The following DLEU7 variants were observed in gnomAD, a reference collection of about 807,000 sequenced individuals.
DLEU7 encodes leukemia-associated protein 7.
A neutral mutation model predicts 16.0 loss-of-function variants in DLEU7; 17 were observed. The ratio of observed to expected loss-of-function variants is 1.06; its 90% CI spans 0.73 to 1.59. DLEU7 has a LOEUF of 1.59. DLEU7 is among the 40% of genes most tolerant of loss of function. The pLI is 0.00. For missense variants in DLEU7, 308 were observed against 314.9 expected (o/e 0.98, Z 0.17); for synonymous variants, 113 against 139.8 (o/e 0.81, Z 1.35).
intron 1 of DLEU7, among the ~76,000 whole-genome samples, chr13:50,768,657 G>C (rs528716432): frequency 3.3e-5 from 5 of 152,168 alleles, no homozygotes; most frequent in Admixed American, 1.3e-4. Flanking sequence ...GTATATATGT[G>C]CTACATTTTC....
At chr13:50,723,854 TAC>T (rs531733959) in intron 1 of DLEU7, among the ~76,000 whole-genome samples, 1 of 151,600 alleles carries the variant, frequency 6.6e-6, no homozygotes, top group African/African-American at 2.4e-5. Flanking sequence ...TATATATATG[TAC>T]ACACACACAT....
chr13:50,833,580 A>T (rs1007016294), intron 1 of DLEU7, among the ~76,000 whole-genome samples: 1 of 152,234 alleles, frequency 6.6e-6, no homozygotes, highest in Admixed American at 6.5e-5. Flanking sequence ...GCTCATGGAT[A>T]GGAAGAATGA....
intron 1 of DLEU7, among the ~76,000 whole-genome samples, chr13:50,778,584 T>G (rs1875567143): frequency 6.6e-6 from 1 of 152,238 alleles, no homozygotes; most frequent in Admixed American, 6.5e-5. Context: ...CTGTTGTCTT[T>G]TTGTGAAGAA....
At chr13:50,739,859 G>C (rs908235487) in intron 1 of DLEU7, among the ~76,000 whole-genome samples, 1 of 152,182 alleles carries the variant, frequency 6.6e-6, no homozygotes, top group Non-Finnish European at 1.5e-5. Context: ...GATACATAAT[G>C]ACACTAGACT....
At chr13:50,806,836 G>A (rs1215696926) in intron 1 of DLEU7, among the ~76,000 whole-genome samples, 6 of 151,750 alleles carry the variant, frequency 4.0e-5, no homozygotes, top group South Asian at 2.1e-4. Context: ...CCAGCTACTC[G>A]GGAGGCTGAG....
downstream of DLEU7, chr13:50,818,729 AG>A (rs375392379): frequency 2.0e-5 from 3 of 152,348 alleles, no homozygotes; most frequent in African/African-American, 7.2e-5. Flanking sequence ...CTCCCTCTGA[AG>A]GCGCTAGAGA....
intron 1 of DLEU7, among the ~76,000 whole-genome samples, chr13:50,769,689 C>T (rs903225440): frequency 2.0e-5 from 3 of 151,956 alleles, no homozygotes; most frequent in Non-Finnish European, 4.4e-5. Flanking sequence ...GGTTACTGTA[C>T]ACTTGTAGTA....
chr13:50,732,299 G>A (rs1873932709), intron 1 of DLEU7, among the ~76,000 whole-genome samples: 2 of 151,998 alleles, frequency 1.3e-5, no homozygotes, highest in Admixed American at 1.3e-4. Context: ...CTCACTTACT[G>A]TATTGCTTTT....
exon 2 of DLEU7, chr13:50,712,809 G>A (rs892195440): frequency 2.1e-4 from 39 of 187,562 alleles, no homozygotes; most frequent in African/African-American, 8.9e-4. Context: ...ACTGGCTTAG[G>A]AGAATGTTGG....
intron 1 of DLEU7, among the ~76,000 whole-genome samples, chr13:50,733,597 T>C (rs747331196): frequency 5.3e-5 from 8 of 151,860 alleles, no homozygotes; most frequent in Non-Finnish European, 5.9e-5. Flanking sequence ...CTCAACTCTG[T>C]CCCCTACCTG....
intron 1 of DLEU7, among the ~76,000 whole-genome samples, chr13:50,813,640 C>T (rs1876636784): frequency 6.6e-6 from 1 of 152,020 alleles, no homozygotes; most frequent in African/African-American, 2.4e-5. Flanking sequence ...TTCCGTATTT[C>T]ATGGCTAGAA....
intron 1 of DLEU7, among the ~76,000 whole-genome samples, chr13:50,794,484 G>C (rs1229092216): frequency 6.6e-6 from 1 of 152,096 alleles, no homozygotes; most frequent in African/African-American, 2.4e-5. Context: ...ATAAAATTCA[G>C]GGCTTCTGAC....
At chr13:50,753,214 C>G (rs1874634437) in intron 1 of DLEU7, among the ~76,000 whole-genome samples, 1 of 152,238 alleles carries the variant, frequency 6.6e-6, no homozygotes, top group Admixed American at 6.5e-5. Flanking sequence ...TCTCCACATC[C>G]CCACCAGACT....
rs750674028 is a variant in DLEU7 at position 50,843,228 on chromosome 13, C to A, written c.419G>T (p.Gly140Val). Residue 140 changes from glycine to valine, a missense_variant, in exon 1 of 2, where the codon GGG (glycine) becomes GTG (valine). By Grantham distance (109) the Gly-to-Val change is moderately radical. Transcript: ENST00000504404. This position sits in a 1 kb window ranked among gnomAD's most constrained non-coding sequence, Gnocchi z 5.7. ...ELVSVEQTLL[G>V]PLQQERSFPI... ...AAAGGACCGCTCCTGCTGGAGGGGC[C>A]CCAGCAGCGTCTGCTCCACGCTGAC... The A allele has an allele frequency of 2.5e-6, 4 of 1,593,144 alleles. No individual in the cohort carries two copies. The South Asian group carries it at 4.5e-5, about 18-fold the overall frequency.
intron 1 of DLEU7, among the ~76,000 whole-genome samples, chr13:50,764,974 CTG>C (rs1875058080): frequency 6.6e-6 from 1 of 152,144 alleles, no homozygotes; most frequent in Non-Finnish European, 1.5e-5. Flanking sequence ...CTTCTGCATC[CTG>C]TGTTCAAGCA....
At chr13:50,780,763 G>A (rs893718100) in intron 1 of DLEU7, among the ~76,000 whole-genome samples, 5 of 152,180 alleles carry the variant, frequency 3.3e-5, no homozygotes, top group Non-Finnish European at 5.9e-5. Flanking sequence ...GAGAAGGCCT[G>A]TGGTCAATCT....
chr13:50,733,097 A>G (rs989807624), intron 1 of DLEU7, among the ~76,000 whole-genome samples: 2 of 152,222 alleles, frequency 1.3e-5, no homozygotes, highest in East Asian at 3.8e-4. Context: ...GAAGATCTCA[A>G]CAGCATGCCA....
intron 1 of DLEU7, among the ~76,000 whole-genome samples, chr13:50,723,964 G>A (rs1302409573): frequency 6.6e-6 from 1 of 152,054 alleles, no homozygotes; most frequent in Non-Finnish European, 1.5e-5. Context: ...CATAGAAGGA[G>A]AGCAAATTCT....
chr13:50,756,666 T>G (rs573172746), intron 1 of DLEU7, among the ~76,000 whole-genome samples: 1 of 152,264 alleles, frequency 6.6e-6, no homozygotes, highest in South Asian at 2.1e-4. Context: ...AGAACACAGC[T>G]TTTGTTCTTC....
Sources: allele counts gnomAD v4.1 joint callset (sites outside exome capture counted in the v4.1 genomes callset), GRCh38; gene constraint gnomAD v4.1.1; non-coding constraint Gnocchi (gnomAD v3.1); transcripts MANE v1.5; gene names NCBI Gene and HGNC (gene_info 2026-07-23, HGNC 2026-07-21).